LRP1B: variants seen among roughly 807,000 people sequenced by gnomAD.
The protein encoded by LRP1B is low-density lipoprotein receptor-related protein 1B.
LRP1B carries 217 observed loss-of-function variants against 556.6 expected under a neutral mutation model. The ratio of observed to expected loss-of-function variants is 0.39; its 90% CI spans 0.35 to 0.44. The LOEUF is 0.44. Among genes scored for constraint, LRP1B ranks in the 20% least tolerant of loss-of-function variants. The pLI is 1.00. For missense variants in LRP1B, 5,053 were observed against 5,620.8 expected, an observed-to-expected ratio of 0.90 and a Z score of 3.23; for synonymous variants, 2,047 against 1,865.8, an observed-to-expected ratio of 1.10 and a Z score of -2.50.
chr2:141,771,727 A>G (rs576055547), intron 2 of LRP1B, among the ~76,000 whole-genome samples: 3 of 152,304 alleles, frequency 2.0e-5, no homozygotes, highest in South Asian at 2.1e-4. Flanking sequence ...TAAGTATGTG[A>G]TAAGTGTGGA....
chr2:140,510,626 C>A (rs1689612120), intron 51 of LRP1B, among the ~76,000 whole-genome samples: 1 of 152,164 alleles, frequency 6.6e-6, no homozygotes, highest in Non-Finnish European at 1.5e-5. Flanking sequence ...CCCTCTGAAT[C>A]CTAAGCACCA....
In LRP1B at chr2:140,475,287, C is replaced by T; in HGVS notation, c.9476G>A (p.Gly3159Glu). Residue 3159 changes from glycine (G) to glutamate (E), a missense_variant, in exon 60 of 91, where the codon GGA becomes GAA. Gly to Glu is a moderately conservative substitution (Grantham distance 98). Transcript: ENST00000389484. ...CCEYPHIGRV[G>E]MDGTNQSVVI... ...AACACTCTGATTGGTTCCATCCATTCCAACACGGCCAATATGAGGATACTC... is the reference window on the plus strand; with the variant it reads ...AACACTCTGATTGGTTCCATCCATTTCAACACGGCCAATATGAGGATACTC... 1 of 1,610,634 alleles carries T rather than the reference C, an allele frequency of 6.2e-7. No individual in the cohort carries two copies. Among genetic ancestry groups the T allele is most frequent in the Non-Finnish European group, 8.5e-7 (1 of 1,177,984 alleles).
At position 141,015,759 on chromosome 2, in the gene LRP1B, T is replaced by A; in HGVS notation, c.2127A>T (p.Leu709Phe). ...GLTLDFHTNT[L>F]YWCDAYYDHI... Reference sequence around the variant, plus strand: ...GATCGTAATAGGCATCACACCAGTATAATGTGTTGGTGTGAAAGTCCAGAG... The same window carrying A: ...GATCGTAATAGGCATCACACCAGTAAAATGTGTTGGTGTGAAAGTCCAGAG... The change falls in exon 13 of 91, where the codon TTA (leucine) becomes TTT (phenylalanine). Residue 709 changes from leucine (L) to phenylalanine (F), a missense_variant. Leu to Phe is a conservative substitution (Grantham distance 22, BLOSUM62 0). Around this residue, in one of 5 missense-constraint regions of LRP1B, gnomAD observed 3,619 missense variants for 3,931.9 expected, o/e 0.92. Transcript: ENST00000389484. 2 of 1,613,382 alleles carry A rather than the reference T, an allele frequency of 1.2e-6. No homozygotes were observed. Among genetic ancestry groups the A allele is most frequent in the Non-Finnish European group, 1.7e-6 (2 of 1,179,630 alleles).
intron 1 of LRP1B, among the ~76,000 whole-genome samples, chr2:142,022,910 C>T (rs1186185475): frequency 5.3e-5 from 8 of 152,186 alleles, no homozygotes; most frequent in Admixed American, 5.2e-4. Flanking sequence ...GTCCTTTCCT[C>T]ATGATCTGCC....
In LRP1B at chr2:140,815,809, C is replaced by T. The variant is rs145642195; in HGVS notation, c.5210-2003G>A. Among the ~76,000 whole-genome samples, 719 of 150,738 alleles carry T rather than the reference C, an allele frequency of 4.8e-3. 4 individuals carry two copies. Among genetic ancestry groups the T allele is most frequent in the African/African-American group, 0.017 (681 of 41,262 alleles). ...CAAAACCTCCTAAATCAATGCAATA[C>T]ACAATGCCAAGCAATTTAGTTAAGA... is the stretch of plus-strand genomic sequence containing the variant. On this transcript the variant is annotated intron_variant, in intron 31 of 90. Coordinates refer to ENST00000389484, the MANE Select transcript of LRP1B (RefSeq NM_018557.3).
chr2:141,605,122 C>T (rs74696781), intron 2 of LRP1B, among the ~76,000 whole-genome samples: 2,038 of 151,954 alleles, frequency 0.013, 55 homozygotes, highest in African/African-American at 0.046. Flanking sequence ...GGAGCACATT[C>T]GATTTGCTAT....
intron 1 of LRP1B, among the ~76,000 whole-genome samples, chr2:141,832,327 T>TCACACACA (rs869062999): frequency 3.1e-4 from 44 of 143,964 alleles, no homozygotes; most frequent in South Asian, 9.0e-4. Context: ...TCTTTCTCTC[T>TCACACACA]CACACACACA....
intron 66 of LRP1B, among the ~76,000 whole-genome samples, chr2:140,390,899 T>A (rs1683988486): frequency 6.6e-6 from 1 of 151,808 alleles, no homozygotes; most frequent in Admixed American, 6.6e-5. Flanking sequence ...ACATATCTAC[T>A]GGAATTACTC....
intron 6 of LRP1B, among the ~76,000 whole-genome samples, chr2:141,189,355 T>C (rs1381688853): frequency 6.6e-6 from 1 of 152,000 alleles, no homozygotes; most frequent in Non-Finnish European, 1.5e-5. Flanking sequence ...TTTAAAGACA[T>C]TTCAGTTCTG....
At chr2:140,921,995 T>C (rs901033080) in intron 21 of LRP1B, among the ~76,000 whole-genome samples, 3 of 152,136 alleles carry the variant, frequency 2.0e-5, no homozygotes, top group East Asian at 3.9e-4. Flanking sequence ...GATTAAGCAA[T>C]TGAAAAACAA....
chr2:141,626,189 G>A (rs574666805), intron 2 of LRP1B, among the ~76,000 whole-genome samples: 51 of 152,156 alleles, frequency 3.4e-4, no homozygotes, highest in Non-Finnish European at 1.2e-4. Context: ...TTTTGACAAA[G>A]GAGCAAAGGC....
intron 32 of LRP1B, among the ~76,000 whole-genome samples, chr2:140,776,496 C>CTTTTTTTTTTTTTTTTTTTTTTTG (rs1553530438): frequency 7.6e-6 from 1 of 131,144 alleles, no homozygotes; most frequent in Non-Finnish European, 1.8e-5. Context: ...ATATAATATT[C>CTTTTTTTTTTTTTTTTTTTTTTTG]TTATATTTTA....
intron 4 of LRP1B, among the ~76,000 whole-genome samples, chr2:141,250,705 T>C (rs771202384): frequency 2.2e-4 from 34 of 152,166 alleles, no homozygotes; most frequent in Non-Finnish European, 3.5e-4. Flanking sequence ...ATCTGGTACC[T>C]GAGTCTTGCA....
intron 2 of LRP1B, among the ~76,000 whole-genome samples, chr2:141,719,738 A>G (rs1692747491): frequency 6.6e-6 from 1 of 152,122 alleles, no homozygotes. Context: ...ATGCACCTGG[A>G]GATGATTATA....
chr2:141,159,605 A>T (rs1200738290), intron 7 of LRP1B, among the ~76,000 whole-genome samples: 1 of 152,112 alleles, frequency 6.6e-6, no homozygotes, highest in Non-Finnish European at 1.5e-5. Flanking sequence ...TAATCGAAAG[A>T]CAATTGGAAA....
At chr2:140,596,204 G>A (rs1046781169) in intron 43 of LRP1B, among the ~76,000 whole-genome samples, 1 of 152,110 alleles carries the variant, frequency 6.6e-6, no homozygotes, top group African/African-American at 2.4e-5. Context: ...ATGGTGTGAG[G>A]GTGCAATAGT....
At chr2:140,729,940 C>A (rs1362750492) in intron 35 of LRP1B, among the ~76,000 whole-genome samples, 1 of 151,906 alleles carries the variant, frequency 6.6e-6, no homozygotes, top group Non-Finnish European at 1.5e-5. Context: ...TCAGAGCTGC[C>A]CTCAATCTTC....
At chr2:140,484,264 C>T (rs1255297717) in intron 59 of LRP1B, among the ~76,000 whole-genome samples, 1 of 151,982 alleles carries the variant, frequency 6.6e-6, no homozygotes, top group African/African-American at 2.4e-5. Flanking sequence ...CTATTTTTAC[C>T]TAAATTAATG....
At chr2:140,240,539 T>G (rs1427712973) in intron 87 of LRP1B, among the ~76,000 whole-genome samples, 3 of 150,498 alleles carry the variant, frequency 2.0e-5, no homozygotes, top group African/African-American at 7.3e-5. Flanking sequence ...TCACTTATTA[T>G]AAGAAGAAAA....
Sources: allele counts gnomAD v4.1 joint callset (sites outside exome capture counted in the v4.1 genomes callset), GRCh38; gene constraint gnomAD v4.1.1; regional missense constraint gnomAD v4.1.1; transcripts MANE v1.5; gene names NCBI Gene and HGNC (gene_info 2026-07-23, HGNC 2026-07-21).